BICC1: variants seen among roughly 807,000 people sequenced by gnomAD.
The protein encoded by BICC1 is BicC family RNA binding protein 1, also known as protein bicaudal C homolog 1.
Under a neutral mutation model 111.0 loss-of-function variants are expected in BICC1, and 43 were observed. The observed-to-expected ratio is 0.39, with a 90% CI of 0.30 to 0.50. The LOEUF is 0.50. Ranked by LOEUF, BICC1 falls within the 20% of genes least tolerant of loss-of-function variation. The probability of loss-of-function intolerance (pLI) is 0.88; values close to 1 mark genes in which losing one functional copy is unlikely to be tolerated. For missense variants in BICC1, 1,091 were observed against 1,203.2 expected (o/e 0.91, Z 1.38); for synonymous variants, 467 against 434.4 (o/e 1.07, Z -0.93).
intron 8 of BICC1, among the ~76,000 whole-genome samples, chr10:58,791,040 T>G (rs997443076): frequency 6.6e-6 from 1 of 152,216 alleles, no homozygotes; most frequent in Non-Finnish European, 1.5e-5. Flanking sequence ...AATCTAAGTT[T>G]TTATTGTTGA....
At chr10:58,534,660 A>G (rs1212765517) in intron 1 of BICC1, among the ~76,000 whole-genome samples, 1 of 151,682 alleles carries the variant, frequency 6.6e-6, no homozygotes. Context: ...AACCAGAAAA[A>G]TAATTCTGGC....
intron 17 of BICC1, among the ~76,000 whole-genome samples, chr10:58,811,699 TAAAAC>T (rs1843910672): frequency 6.6e-6 from 1 of 152,128 alleles, no homozygotes; most frequent in South Asian, 2.1e-4. Flanking sequence ...GAAGGAAACA[TAAAAC>T]AAACAAGAAG....
At position 58,676,767 on chromosome 10, in the gene BICC1, A is replaced by G. The variant is rs140158382; in HGVS notation, c.238-25307A>G. Among the ~76,000 whole-genome samples the G allele has an allele frequency of 8.8e-3, 1,332 of 152,192 alleles. 21 individuals are homozygous for G. Among genetic ancestry groups the G allele is most frequent in the African/African-American group, 0.03 (1,243 of 41,542 alleles). ...CCTCCTGACTGGGAGACACCTCCCTACAGGGGTCGACAGAAAACTCATACA... is the reference window on the plus strand; with the variant it reads ...CCTCCTGACTGGGAGACACCTCCCTGCAGGGGTCGACAGAAAACTCATACA... On this transcript the variant is annotated intron_variant, in intron 2 of 20. Coordinates refer to ENST00000373886, the MANE Select transcript of BICC1 (RefSeq NM_001080512.3).
intron 1 of BICC1, among the ~76,000 whole-genome samples, chr10:58,589,789 A>T (rs1457681841): frequency 6.6e-6 from 1 of 151,974 alleles, no homozygotes; most frequent in Non-Finnish European, 1.5e-5. Context: ...CAAATTTTTT[A>T]AATTATTATT....
chr10:58,635,042 G>T (rs746903960), intron 2 of BICC1, among the ~76,000 whole-genome samples: 1 of 152,096 alleles, frequency 6.6e-6, no homozygotes, highest in African/African-American at 2.4e-5. Flanking sequence ...TGGTAGACCC[G>T]TCACAGTTTA....
intron 2 of BICC1, among the ~76,000 whole-genome samples, chr10:58,637,295 A>G (rs1326621664): frequency 6.6e-6 from 1 of 152,090 alleles, no homozygotes; most frequent in African/African-American, 2.4e-5. Context: ...TTCCTTTGTT[A>G]TGAAATGGAA....
At chr10:58,620,744 A>G (rs2132136705) in intron 1 of BICC1, 111 bp from the exon 2 acceptor site, 1 of 943,498 alleles carries the variant, frequency 1.1e-6, no homozygotes, top group East Asian at 2.5e-5. Flanking sequence ...GAGCTGTGGG[A>G]GAGCAAGGCT....
chr10:58,529,141 CA>C (rs1842618153), intron 1 of BICC1, among the ~76,000 whole-genome samples: 1 of 151,904 alleles, frequency 6.6e-6, no homozygotes, highest in African/African-American at 2.4e-5. Context: ...TTGGTGTTAA[CA>C]TACTTGTCTA....
chr10:58,531,994 G>T (rs1312713703), intron 1 of BICC1, among the ~76,000 whole-genome samples: 1 of 151,922 alleles, frequency 6.6e-6, no homozygotes, highest in East Asian at 1.9e-4. Flanking sequence ...TAGAGGAAAT[G>T]AGGGACAGAA....
At position 58,721,144 on chromosome 10, in the gene BICC1, T is replaced by C. The variant is rs372512678; in HGVS notation, c.307+19001T>C. Among the ~76,000 whole-genome samples the C allele has an allele frequency of 5.3e-4, 81 of 152,348 alleles. 1 individual carries two copies. Among genetic ancestry groups the C allele is most frequent in the African/African-American group, 1.8e-3 (73 of 41,592 alleles). ...AATGCCCATTTTCCCCTTCTCTTCG[T>C]GGGACAATTCTGAAGCACATTATTT... is the stretch of plus-strand genomic sequence containing the variant. On this transcript the variant is annotated intron_variant, in intron 3 of 20. Transcript: ENST00000373886.
At chr10:58,622,250 G>A (rs1344897863) in intron 2 of BICC1, among the ~76,000 whole-genome samples, 1 of 152,156 alleles carries the variant, frequency 6.6e-6, no homozygotes, top group Non-Finnish European at 1.5e-5. Context: ...GGCTCTGATG[G>A]TAAAAATAGA....
intron 2 of BICC1, among the ~76,000 whole-genome samples, chr10:58,676,899 A>C (rs892257519): frequency 1.3e-5 from 2 of 152,202 alleles, no homozygotes; most frequent in African/African-American, 4.8e-5. Context: ...GGTGATATCG[A>C]GGCAAACAGG....
At chr10:58,732,766 A>G (rs1211235218) in intron 3 of BICC1, among the ~76,000 whole-genome samples, 1 of 152,086 alleles carries the variant, frequency 6.6e-6, no homozygotes, top group African/African-American at 2.4e-5. Context: ...TGTGCAACAG[A>G]GTGAGACCTT....
intron 2 of BICC1, among the ~76,000 whole-genome samples, chr10:58,682,149 A>C (rs576254369): frequency 1.6e-3 from 243 of 152,038 alleles, no homozygotes; most frequent in African/African-American, 5.6e-3. Context: ...TAGTTTGCTC[A>C]GAATGATGGT....
intron 3 of BICC1, among the ~76,000 whole-genome samples, chr10:58,734,816 T>C (rs1841419706): frequency 6.6e-6 from 1 of 152,172 alleles, no homozygotes; most frequent in African/African-American, 2.4e-5. Context: ...TTGGTCTAAA[T>C]ATTAAATACC....
At chr10:58,536,975 C>T (rs1368709070) in intron 1 of BICC1, among the ~76,000 whole-genome samples, 2 of 151,712 alleles carry the variant, frequency 1.3e-5, no homozygotes, top group African/African-American at 4.8e-5. Context: ...TTCCCGGAAA[C>T]ATACGACACC....
chr10:58,743,762 T>C (rs1250777414), intron 3 of BICC1, among the ~76,000 whole-genome samples: 2 of 126,378 alleles, frequency 1.6e-5, no homozygotes, highest in Non-Finnish European at 3.2e-5. Context: ...AGAGTGAAGT[T>C]AATAGTTTTC....
At chr10:58,623,673 T>C in intron 2 of BICC1, among the ~76,000 whole-genome samples, 1 of 152,192 alleles carries the variant, frequency 6.6e-6, no homozygotes, top group African/African-American at 2.4e-5. Flanking sequence ...AAGACATATC[T>C]GGATTGTCCC....
At chr10:58,743,664 C>G (rs1303737116) in intron 3 of BICC1, among the ~76,000 whole-genome samples, 3 of 151,946 alleles carry the variant, frequency 2.0e-5, no homozygotes, top group Non-Finnish European at 4.4e-5. Flanking sequence ...GCTTCTGTTT[C>G]CATGGTTACC....
Sources: allele counts gnomAD v4.1 joint callset (sites outside exome capture counted in the v4.1 genomes callset), GRCh38; gene constraint gnomAD v4.1.1; transcripts MANE v1.5; gene names NCBI Gene and HGNC (gene_info 2026-07-23, HGNC 2026-07-21).